Variants in LRGUK observed in about 807,000 individuals in gnomAD.
LRGUK encodes leucine-rich repeat and guanylate kinase domain-containing protein.
LRGUK carries 65 observed loss-of-function variants against 76.0 expected under a neutral mutation model. The observed-to-expected ratio is 0.85, with a 90% confidence interval of 0.70 to 1.05. LRGUK has a LOEUF of 1.05. LRGUK is among the 50% of genes least tolerant of loss of function. The pLI is 0.00. For missense variants in LRGUK, 758 were observed against 732.8 expected, an observed-to-expected ratio of 1.03 and a Z score of -0.40; for synonymous variants, 268 against 265.6, an observed-to-expected ratio of 1.01 and a Z score of -0.09.
Position 134,197,010 on chromosome 7 carries a change from T to C in LRGUK, c.1450T>C (p.Phe484Leu), listed in dbSNP as rs142718954. 259 of 1,596,634 alleles carry C rather than the reference T, an allele frequency of 1.6e-4. No homozygotes were observed. Among genetic ancestry groups the C allele is most frequent in the Non-Finnish European group, 2.2e-4 (256 of 1,166,932 alleles). The change falls in exon 13 of 16, where the codon TTT becomes CTT. Residue 484 changes from phenylalanine (F) to leucine (L), a missense_variant. Transcript: ENST00000645682. ...ATTCCAGGGGAAATTCATTCTAACA[T>C]TTAGTTATGGTAATCACAAGTATGG...
At chr7:134,181,987 G>A (rs1370307421) in intron 10 of LRGUK, among the ~76,000 whole-genome samples, 1 of 152,052 alleles carries the variant, frequency 6.6e-6, no homozygotes, top group East Asian at 1.9e-4. Flanking sequence ...CTCTATAATA[G>A]CCATAGCACC....
At chr7:134,258,373 C>T in exon 19 of LRGUK, 2 of 1,613,970 alleles carry the variant, frequency 1.2e-6, no homozygotes, top group Middle Eastern at 1.6e-4. Context: ...GGATCAGGAG[C>T]CAGTGACAGT....
intron 15 of LRGUK, among the ~76,000 whole-genome samples, chr7:134,207,365 G>C (rs1407218373): frequency 6.6e-6 from 1 of 152,000 alleles, no homozygotes; most frequent in African/African-American, 2.4e-5. Flanking sequence ...TTCTCTATGA[G>C]TTTGCCTACT....
At chr7:134,161,832 A>G (rs1370742164) in intron 6 of LRGUK, among the ~76,000 whole-genome samples, 1 of 151,782 alleles carries the variant, frequency 6.6e-6, no homozygotes. Context: ...CTGGGACTAC[A>G]GGCACCCGCC....
chr7:134,247,753 C>G, intron 17 of LRGUK, 109 bp downstream of exon 17: 1 of 739,850 alleles, frequency 1.4e-6, no homozygotes, highest in Non-Finnish European at 2.2e-6. Flanking sequence ...TAAAATGGAC[C>G]CAGTGTTTCA....
At chr7:134,236,126 A>C (rs1034241336) in intron 16 of LRGUK, among the ~76,000 whole-genome samples, 3 of 152,240 alleles carry the variant, frequency 2.0e-5, no homozygotes, top group Admixed American at 6.5e-5. Flanking sequence ...ATTAAAAAAC[A>C]AGGAAAATAA....
chr7:134,250,522 T>A (rs924833065), intron 18 of LRGUK, among the ~76,000 whole-genome samples: 3 of 152,182 alleles, frequency 2.0e-5, no homozygotes, highest in Non-Finnish European at 4.4e-5. Flanking sequence ...TGGTGATATA[T>A]CATAATGAGA....
At chr7:134,159,545 C>CT (rs1365844895) in intron 6 of LRGUK, among the ~76,000 whole-genome samples, 1 of 152,126 alleles carries the variant, frequency 6.6e-6, no homozygotes, top group African/African-American at 2.4e-5. Context: ...AATCCCAGCA[C>CT]TTTGGGAGGC....
intron 5 of LRGUK, among the ~76,000 whole-genome samples, chr7:134,155,343 G>A (rs1798410117): frequency 2.0e-5 from 3 of 152,158 alleles, no homozygotes; most frequent in Non-Finnish European, 4.4e-5. Flanking sequence ...AAAGAAAGTA[G>A]AACCAGAAAG....
At chr7:134,133,524 C>T (rs1797395639) in intron 1 of LRGUK, among the ~76,000 whole-genome samples, 1 of 152,128 alleles carries the variant, frequency 6.6e-6, no homozygotes, top group Non-Finnish European at 1.5e-5. Flanking sequence ...ACTGTAAATC[C>T]CTTATGGACA....
At chr7:134,170,101 A>C (rs919730614) in intron 7 of LRGUK, among the ~76,000 whole-genome samples, 3 of 152,082 alleles carry the variant, frequency 2.0e-5, no homozygotes, top group African/African-American at 7.2e-5. Flanking sequence ...TTGATTACCC[A>C]TGAGGTTAAA....
chr7:134,263,454 G>A (rs1355832147), intron 19 of LRGUK, among the ~76,000 whole-genome samples: 1 of 76,718 alleles, frequency 1.3e-5, no homozygotes, highest in Non-Finnish European at 3.5e-5. Flanking sequence ...AGAGTACTGT[G>A]TGGAGCATTG....
At chr7:134,257,710 G>A (rs560648891) in intron 18 of LRGUK, among the ~76,000 whole-genome samples, 3 of 152,094 alleles carry the variant, frequency 2.0e-5, no homozygotes, top group South Asian at 4.2e-4. Context: ...AGGCTGAAGC[G>A]GGGGAATCAC....
intron 16 of LRGUK, among the ~76,000 whole-genome samples, chr7:134,246,831 A>G (rs1802314061): frequency 6.6e-6 from 1 of 152,214 alleles, no homozygotes; most frequent in Non-Finnish European, 1.5e-5. Flanking sequence ...TCTTTTCTGT[A>G]AATTAAGAAC....
At chr7:134,174,630 A>G (rs1304511747) in exon 8 of LRGUK, 1 of 1,570,000 alleles carries the variant, frequency 6.4e-7, no homozygotes, top group Non-Finnish European at 8.8e-7. Flanking sequence ...TAGAAAATCC[A>G]ATTCAGGTGA....
At chr7:134,261,958 A>AAGGGAAATTAAGTTACTTTC (rs1802737797) in intron 19 of LRGUK, among the ~76,000 whole-genome samples, 1 of 152,204 alleles carries the variant, frequency 6.6e-6, no homozygotes, top group Non-Finnish European at 1.5e-5. Context: ...GCCTAAATAA[A>AAGGGAAATTAAGTTACTTTC]AGGGAAATTA....
chr7:134,148,418 G>T, intron 5 of LRGUK, 99 bp downstream of exon 5: 2 of 685,114 alleles, frequency 2.9e-6, no homozygotes, highest in African/African-American at 1.9e-5. Context: ...ACTAGTACCA[G>T]ATAAGCAATT....
chr7:134,258,690 C>T (rs1281854681), intron 19 of LRGUK, among the ~76,000 whole-genome samples: 1 of 149,140 alleles, frequency 6.7e-6, no homozygotes, highest in Non-Finnish European at 1.5e-5. Context: ...AGCAAAACTC[C>T]GTCTCAAAAA....
At chr7:134,253,262 A>G (rs144723627) in intron 18 of LRGUK, among the ~76,000 whole-genome samples, 61 of 152,340 alleles carry the variant, frequency 4.0e-4, no homozygotes, top group African/African-American at 1.4e-3. Flanking sequence ...TATGAATACA[A>G]AGCTTAATAT....
Sources: allele counts gnomAD v4.1 joint callset (sites outside exome capture counted in the v4.1 genomes callset), GRCh38; gene constraint gnomAD v4.1.1; transcripts MANE v1.5; gene names NCBI Gene and HGNC (gene_info 2026-07-23, HGNC 2026-07-21).